The following SMAP1 variants were observed in gnomAD, a reference collection of about 807,000 sequenced individuals.
The protein encoded by SMAP1 is small ArfGAP 1.
A neutral mutation model predicts 58.5 loss-of-function variants in SMAP1; 24 were observed. The ratio of observed to expected loss-of-function variants is 0.41; its 90% CI spans 0.30 to 0.58. The LOEUF (loss-of-function observed/expected upper bound fraction) is 0.58. SMAP1 is among the 20% of genes least tolerant of loss of function. The pLI is 0.29. For missense variants in SMAP1, 563 were observed against 566.3 expected (o/e 0.99, Z 0.06); for synonymous variants, 216 against 196.6 (o/e 1.10, Z -0.82).
chr6:70,729,459 T>TTGTGTG (rs35058846), intron 1 of SMAP1, among the ~76,000 whole-genome samples: 5,734 of 128,084 alleles, frequency 0.045, 202 homozygotes, highest in Admixed American at 0.072. Context: ...AAAAAGAAGG[T>TTGTGTG]TGTGTGTGTG....
Position 70,821,934 on chromosome 6 carries a change from GT to G in SMAP1, c.577-15002del, listed in dbSNP as rs1297762268. Among the ~76,000 whole-genome samples, 5 of 152,214 alleles carry G rather than the reference GT, an allele frequency of 3.3e-5. No individual in the cohort carries two copies. The East Asian group carries it at 7.7e-4, about 23-fold the overall frequency. ...TTTTTCTTCATGGAATTTCTAAAAT[GT>G]TTTTGCAATCATTTGAAGCTTTATT... On this transcript the variant is annotated intron_variant, in intron 6 of 10. Coordinates refer to ENST00000370455, the MANE Select transcript of SMAP1 (RefSeq NM_001044305.3).
intron 6 of SMAP1, among the ~76,000 whole-genome samples, chr6:70,831,236 A>T (rs1384222755): frequency 6.6e-6 from 1 of 152,102 alleles, no homozygotes; most frequent in African/African-American, 2.4e-5. Flanking sequence ...TGATATAATG[A>T]TTGGAAGTAG....
intron 4 of SMAP1, among the ~76,000 whole-genome samples, chr6:70,790,660 T>G (rs1282780548): frequency 6.6e-6 from 1 of 152,154 alleles, no homozygotes; most frequent in Non-Finnish European, 1.5e-5. Context: ...AAGTTTATAG[T>G]CTTGTGTTGT....
rs1562211571 is a variant in SMAP1, at chr6:70,861,984, T to C, written c.*1650T>C. The stretch of plus-strand genomic sequence containing the variant: ...TTGAAGACTTACAGCAAATCCTTTG[T>C]GAAAAATAAAAAAAAAAAAGAGACT... On this transcript the variant is annotated 3_prime_UTR_variant, in exon 11 of 11. Transcript: ENST00000370455. 2 of 1,567,998 alleles carry C rather than the reference T, an allele frequency of 1.3e-6. No individual in the cohort carries two copies. Among genetic ancestry groups the C allele is most frequent in the South Asian group, 2.4e-5 (2 of 83,770 alleles).
At chr6:70,685,872 C>A (rs899320520) in intron 1 of SMAP1, among the ~76,000 whole-genome samples, 2 of 151,972 alleles carry the variant, frequency 1.3e-5, no homozygotes, top group Non-Finnish European at 2.9e-5. Context: ...AACAGAGAAG[C>A]CTTGGGAGAA....
At chr6:70,679,652 A>C (rs1427066109) in intron 1 of SMAP1, among the ~76,000 whole-genome samples, 2 of 152,228 alleles carry the variant, frequency 1.3e-5, no homozygotes, top group Admixed American at 6.5e-5. Context: ...CTGTGGGATA[A>C]ATTTAACAAA....
chr6:70,820,729 T>C (rs1464638838), intron 6 of SMAP1, among the ~76,000 whole-genome samples: 8 of 152,176 alleles, frequency 5.3e-5, no homozygotes, highest in Admixed American at 3.9e-4. Flanking sequence ...AAGAAAACTT[T>C]ATTGTTCAAG....
At chr6:70,732,555 G>T in intron 2 of SMAP1, 44 bp downstream of exon 2, 1 of 1,432,820 alleles carries the variant, frequency 7.0e-7, no homozygotes. Flanking sequence ...TATTTAAAAT[G>T]ATTTAAAAAT....
chr6:70,768,043 T>C (rs1387746814), intron 3 of SMAP1, among the ~76,000 whole-genome samples: 1 of 151,978 alleles, frequency 6.6e-6, no homozygotes, highest in East Asian at 1.9e-4. Flanking sequence ...GTTTATATGC[T>C]GGATTACATT....
intron 1 of SMAP1, among the ~76,000 whole-genome samples, chr6:70,710,883 T>G (rs1252028536): frequency 6.6e-6 from 1 of 152,176 alleles, no homozygotes. Context: ...TTAAGCTTTT[T>G]TTGTTCAAAA....
At position 70,817,136 on chromosome 6, in the gene SMAP1, A is replaced by T. The variant is rs947986391; in HGVS notation, c.576+18399A>T. Reference sequence around the variant, plus strand: ...TGTATTAGAATATATATATATATATATATTTTTTTTTTGCCATATTCTCTG... The same window carrying T: ...TGTATTAGAATATATATATATATATTTATTTTTTTTTTGCCATATTCTCTG... On this transcript the variant is annotated intron_variant, in intron 6 of 10. Transcript: ENST00000370455. Among the ~76,000 whole-genome samples, 276 of 143,416 alleles carry T rather than the reference A, an allele frequency of 1.9e-3. 1 individual carries two copies. In the South Asian group the frequency reaches 0.022, roughly 11 times the overall value. The allele number at this position is 143,416 out of a possible 152,430, so 94.1% of individuals were successfully genotyped here.
chr6:70,758,714 A>T (rs1418897380), intron 3 of SMAP1, among the ~76,000 whole-genome samples: 1 of 152,026 alleles, frequency 6.6e-6, no homozygotes, highest in Admixed American at 6.6e-5. Context: ...TGGCATTGGG[A>T]ATGGGCAGGA....
At chr6:70,824,334 C>T (rs999361828) in intron 6 of SMAP1, among the ~76,000 whole-genome samples, 3 of 151,810 alleles carry the variant, frequency 2.0e-5, no homozygotes, top group African/African-American at 4.8e-5. Context: ...ATTATTTTAC[C>T]GATCAAAAGC....
intron 6 of SMAP1, among the ~76,000 whole-genome samples, chr6:70,800,033 T>C (rs996207528): frequency 6.6e-6 from 1 of 152,234 alleles, no homozygotes; most frequent in Non-Finnish European, 1.5e-5. Context: ...CATGTCTTTT[T>C]TGCCTTCTTT....
chr6:70,746,083 G>A (rs947531898), intron 2 of SMAP1, among the ~76,000 whole-genome samples: 3 of 152,136 alleles, frequency 2.0e-5, no homozygotes, highest in African/African-American at 7.2e-5. Context: ...CTGAGACGAT[G>A]GGGTTTTCTA....
intron 6 of SMAP1, among the ~76,000 whole-genome samples, chr6:70,800,298 A>C (rs923336437): frequency 1.3e-5 from 2 of 152,098 alleles, no homozygotes; most frequent in Non-Finnish European, 2.9e-5. Context: ...CCTTTAAAAA[A>C]AAAATACAGA....
chr6:70,699,647 C>G (rs954075602), intron 1 of SMAP1, among the ~76,000 whole-genome samples: 5 of 152,116 alleles, frequency 3.3e-5, no homozygotes, highest in Non-Finnish European at 7.4e-5. Context: ...CCTCTCCTTT[C>G]TTCAAGTGGT....
At chr6:70,854,800 T>C (rs1209842099) in intron 8 of SMAP1, among the ~76,000 whole-genome samples, 1 of 152,204 alleles carries the variant, frequency 6.6e-6, no homozygotes, top group African/African-American at 2.4e-5. Flanking sequence ...TGAATTCTTC[T>C]GAACCCTGTA....
intron 6 of SMAP1, among the ~76,000 whole-genome samples, chr6:70,806,167 G>A (rs545968401): frequency 3.2e-4 from 49 of 152,314 alleles, no homozygotes; most frequent in African/African-American, 1.2e-3. Flanking sequence ...GCTCCGCTAA[G>A]TTTGAGCTTC....
Sources: gnomAD v4.1 joint callset for allele counts (sites outside exome capture counted in the v4.1 genomes callset) on GRCh38, gnomAD v4.1.1 for gene constraint, MANE v1.5 for transcripts, NCBI Gene and HGNC (gene_info 2026-07-23, HGNC 2026-07-21) for gene names.